The following SMIM3 variants were observed in gnomAD, a reference collection of about 807,000 sequenced individuals.
The protein encoded by SMIM3 is small integral membrane protein 3.
In SMIM3, 4 loss-of-function variants were observed where a neutral mutation model predicts 2.1. The observed-to-expected ratio is 1.89, with a 90% CI of 0.93 to 4.31. The LOEUF is 4.31. Among genes scored for constraint, SMIM3 ranks in the 30% most tolerant of loss-of-function variants. The pLI, the probability that SMIM3 is intolerant of heterozygous loss-of-function variation, is 0.01. For synonymous variants in SMIM3, 29 were observed against 30.8 expected (o/e 0.94, Z 0.19); for missense variants, 79 against 77.7 (o/e 1.02, Z -0.06).
At chr5:150,789,433 A>C (rs1174427825) in intron 1 of SMIM3, among the ~76,000 whole-genome samples, 2 of 152,180 alleles carry the variant, frequency 1.3e-5, no homozygotes, top group African/African-American at 4.8e-5. Flanking sequence ...CAGTGCAGCA[A>C]AGGACACGTT....
intron 1 of SMIM3, 130 bp downstream of exon 1, chr5:150,779,102 C>T (rs1442828409): frequency 2.4e-6 from 1 of 410,862 alleles, no homozygotes; most frequent in Non-Finnish European, 4.9e-6. Flanking sequence ...GGTCTCTCCT[C>T]CCCATTTCTC....
chr5:150,794,945 G>A (rs901771332), intron 1 of SMIM3, among the ~76,000 whole-genome samples: 1 of 152,118 alleles, frequency 6.6e-6, no homozygotes, highest in Non-Finnish European at 1.5e-5. Flanking sequence ...CCCAGAAAGG[G>A]GAGAATGGGA....
chr5:150,781,271 A>G (rs1753230285), intron 1 of SMIM3, among the ~76,000 whole-genome samples: 1 of 152,192 alleles, frequency 6.6e-6, no homozygotes, highest in Non-Finnish European at 1.5e-5. Context: ...GACCTGAGAG[A>G]AGTTAAGTGA....
chr5:150,791,072 G>A (rs574661892), intron 1 of SMIM3, among the ~76,000 whole-genome samples: 5 of 152,230 alleles, frequency 3.3e-5, no homozygotes, highest in African/African-American at 9.6e-5. Context: ...TTTTATGAAT[G>A]AAGAATGAAA....
intron 1 of SMIM3, among the ~76,000 whole-genome samples, chr5:150,794,100 C>T (rs934738704): frequency 5.9e-5 from 9 of 152,086 alleles, no homozygotes; most frequent in Non-Finnish European, 8.8e-5. Flanking sequence ...CAGGGAAATG[C>T]AAATCAAAAC....
chr5:150,792,703 T>C (rs1428866099), intron 1 of SMIM3, among the ~76,000 whole-genome samples: 1 of 152,070 alleles, frequency 6.6e-6, no homozygotes, highest in Non-Finnish European at 1.5e-5. Flanking sequence ...CCAATCTAAT[T>C]AGCATTAAAT....
intron 1 of SMIM3, among the ~76,000 whole-genome samples, chr5:150,789,552 C>G (rs1753327763): frequency 6.6e-6 from 1 of 152,050 alleles, no homozygotes; most frequent in African/African-American, 2.4e-5. Flanking sequence ...CTGGAAGGGC[C>G]CTTGGAGAAC....
At chr5:150,779,127 T>C (rs534535488) in intron 1 of SMIM3, among the ~76,000 whole-genome samples, 155 bp downstream of exon 1, 1 of 152,252 alleles carries the variant, frequency 6.6e-6, no homozygotes, top group East Asian at 1.9e-4. Flanking sequence ...TTCATCACTT[T>C]TGTATTTCTT....
At position 150,780,900 on chromosome 5, in the gene SMIM3, G is replaced by C. The variant is rs74733709; in HGVS notation, c.-12+1928G>C. Among the ~76,000 whole-genome samples the C allele has an allele frequency of 2.0e-4, 31 of 152,288 alleles. No homozygotes were observed. The East Asian group carries it at 4.0e-3, about 20-fold the overall frequency. ...GTATAGGAGTAAGTGTTGGCATTGC[G>C]ACACCCTGCCTTGTCCTCCCCCACC... On this transcript the variant is annotated intron_variant, in intron 1 of 1. Coordinates refer to ENST00000526627, the MANE Select transcript of SMIM3 (RefSeq NM_032947.5).
At chr5:150,792,501 A>C (rs545636003) in intron 1 of SMIM3, among the ~76,000 whole-genome samples, 1 of 152,190 alleles carries the variant, frequency 6.6e-6, no homozygotes, top group Non-Finnish European at 1.5e-5. Flanking sequence ...ATCTTACTAC[A>C]TGCCTTTTGT....
At chr5:150,782,737 G>T (rs1175614962) in intron 1 of SMIM3, among the ~76,000 whole-genome samples, 1 of 152,188 alleles carries the variant, frequency 6.6e-6, no homozygotes, top group Non-Finnish European at 1.5e-5. Context: ...CTTTTGCAGG[G>T]ATGAGGATTC....
At chr5:150,788,287 G>C (rs190491212) in intron 1 of SMIM3, among the ~76,000 whole-genome samples, 6 of 152,176 alleles carry the variant, frequency 3.9e-5, no homozygotes, top group Non-Finnish European at 7.4e-5. Flanking sequence ...AGGCAGTAGG[G>C]CTTCCCTTTG....
intron 1 of SMIM3, among the ~76,000 whole-genome samples, chr5:150,784,402 CA>C (rs1269225779): frequency 6.6e-6 from 1 of 152,208 alleles, no homozygotes; most frequent in Non-Finnish European, 1.5e-5. Flanking sequence ...TGTATCTCAT[CA>C]ACTCTGGGCT....
chr5:150,791,582 T>TA (rs1232272920), intron 1 of SMIM3, among the ~76,000 whole-genome samples: 1 of 152,218 alleles, frequency 6.6e-6, no homozygotes, highest in Non-Finnish European at 1.5e-5. Flanking sequence ...CAAATGGCAC[T>TA]AATTTCCTTC....
intron 1 of SMIM3, among the ~76,000 whole-genome samples, chr5:150,780,039 A>G (rs978351058): frequency 1.7e-4 from 26 of 152,110 alleles, no homozygotes; most frequent in African/African-American, 6.3e-4. Flanking sequence ...AGGCTGCGCA[A>G]TCACACAAGT....
Position 150,795,494 on chromosome 5 carries a change from G to A in SMIM3, c.54G>A (p.Leu18=), listed in dbSNP as rs1753393369. ...AAGTCGTGCTTCCCAAGCACATCCT[G>A]GATATCTGGGTTATTGTCCTCATCA... ...PMEVVLPKHI[L]DIWVIVLIIL... The change falls in exon 2 of 2, where the codon CTG becomes CTA. Residue 18 remains leucine (L), a synonymous_variant. Transcript: ENST00000526627. 1.2e-6 allele frequency: 2 copies of A among 1,613,816 alleles called. No homozygotes were observed. The highest frequency in any genetic ancestry group is 8.5e-7 in the Non-Finnish European group (1 of 1,179,884).
chr5:150,792,538 A>T (rs1291214821), intron 1 of SMIM3, among the ~76,000 whole-genome samples: 2 of 152,168 alleles, frequency 1.3e-5, no homozygotes, highest in African/African-American at 4.8e-5. Context: ...GAAGTTGATT[A>T]AAAAAATTAT....
At chr5:150,788,466 C>G (rs1233483111) in intron 1 of SMIM3, among the ~76,000 whole-genome samples, 2 of 151,626 alleles carry the variant, frequency 1.3e-5, no homozygotes, top group Non-Finnish European at 2.9e-5. Context: ...AAAACCTTAT[C>G]TCTACAAAAA....
chr5:150,789,856 G>C (rs1220183822), intron 1 of SMIM3, among the ~76,000 whole-genome samples: 2 of 152,158 alleles, frequency 1.3e-5, no homozygotes, highest in African/African-American at 4.8e-5. Context: ...AATGTATTCA[G>C]CTCTGCTGGG....
Sources: gnomAD v4.1 joint callset for allele counts (sites outside exome capture counted in the v4.1 genomes callset) on GRCh38, gnomAD v4.1.1 for gene constraint, MANE v1.5 for transcripts, NCBI Gene and HGNC (gene_info 2026-07-23, HGNC 2026-07-21) for gene names.